Variants in KIF1B observed in about 807,000 individuals in gnomAD.
The protein encoded by KIF1B is kinesin family member 1B.
Under a neutral mutation model 241.9 loss-of-function variants are expected in KIF1B, and 76 were observed. The ratio of observed to expected loss-of-function variants is 0.31; its 90% CI spans 0.26 to 0.38. The LOEUF is 0.38. Among genes scored for constraint, KIF1B ranks in the 10% least tolerant of loss-of-function variants. The probability of loss-of-function intolerance (pLI) is 1.00; values close to 1 mark genes in which losing one functional copy is unlikely to be tolerated. For missense variants in KIF1B, 1,622 were observed against 2,271.4 expected (o/e 0.71, Z 5.81); for synonymous variants, 750 against 796.7 (o/e 0.94, Z 0.99).
rs1638912142 is a variant in KIF1B, at chr1:10,377,135, G to A, written c.*548G>A. 1 of 240,310 alleles carries A rather than the reference G, an allele frequency of 4.2e-6. No individual in the cohort carries two copies. Among genetic ancestry groups the A allele is most frequent in the Non-Finnish European group, 8.2e-6 (1 of 121,386 alleles). 14.9% of individuals were successfully genotyped at this position (240,310 alleles called of 1,614,324 possible). ...TTTAGAACCTGAGAGGAAAAAAAGA[G>A]TCTTTTTTTCCCCTCTGTCTCTTTT... On this transcript the variant is annotated 3_prime_UTR_variant, in exon 49 of 49. Coordinates refer to ENST00000676179, the MANE Select transcript of KIF1B (RefSeq NM_001365951.3).
intron 1 of KIF1B, chr1:10,211,796 A>G (rs1309562689): frequency 6.7e-6 from 1 of 149,882 alleles, no homozygotes; most frequent in African/African-American, 2.5e-5. Flanking sequence ...TTCTCTATTC[A>G]TCTTCTGCGT....
intron 22 of KIF1B, chr1:10,304,311 A>C: frequency 6.2e-7 from 1 of 1,614,230 alleles, no homozygotes. Context: ...ATAATCAGCA[A>C]CAGCCACCTC....
chr1:10,256,157 A>G (rs757890079), intron 2 of KIF1B, 90 bp from the exon 3 acceptor site: 9 of 835,748 alleles, frequency 1.1e-5, no homozygotes, highest in Admixed American at 1.8e-5. Context: ...GAATTTACTG[A>G]TTGGGATGTT....
rs1242044544 is a variant in KIF1B, at chr1:10,292,098, C to G, written c.1566C>G (p.Thr522=). 1 of 1,613,816 alleles carries G rather than the reference C, an allele frequency of 6.2e-7. No homozygotes were observed. The highest frequency in any genetic ancestry group is 8.5e-7 in the Non-Finnish European group (1 of 1,179,878). ...MGVAIREDGG[T]LGVFSPKKTP... Reference sequence around the variant, plus strand: ...TTGCCATTCGGGAAGATGGAGGAACCCTAGGGGTTTTCTCACCTAAAAAGG... The same window carrying G: ...TTGCCATTCGGGAAGATGGAGGAACGCTAGGGGTTTTCTCACCTAAAAAGG... Residue 522 remains threonine, a synonymous_variant, in exon 17 of 49, where the codon ACC becomes ACG. Coordinates refer to ENST00000676179, the MANE Select transcript of KIF1B (RefSeq NM_001365951.3).
At chr1:10,266,043 G>A (rs1648444966) in intron 5 of KIF1B, among the ~76,000 whole-genome samples, 1 of 152,174 alleles carries the variant, frequency 6.6e-6, no homozygotes, top group East Asian at 1.9e-4. Flanking sequence ...TCTGTTTCCT[G>A]GGTAGCATCG....
intron 22 of KIF1B, among the ~76,000 whole-genome samples, chr1:10,313,548 A>AT (rs33994083): frequency 0.12 from 14,065 of 121,420 alleles, 1,303 homozygotes; most frequent in African/African-American, 0.14. Context: ...ACTAGTTAGG[A>AT]TTTTTTTTTT....
In KIF1B at chr1:10,358,448, G is replaced by A. The variant is rs114113962; in HGVS notation, c.4056-2481G>A. The stretch of plus-strand genomic sequence containing the variant: ...AAATATCACCAAAGTCATAAATGCC[G>A]TCACTCTAAGAAGAGGGGTTTATTT... On this transcript the variant is annotated intron_variant, in intron 38 of 48. Transcript: ENST00000676179. Among the ~76,000 whole-genome samples, 1,510 of 152,224 alleles carry A rather than the reference G, an allele frequency of 9.9e-3. 20 individuals are homozygous for A. Among genetic ancestry groups the A allele is most frequent in the African/African-American group, 0.034 (1,411 of 41,522 alleles).
At chr1:10,330,212 A>G (rs960315907) in intron 27 of KIF1B, among the ~76,000 whole-genome samples, 10 of 152,194 alleles carry the variant, frequency 6.6e-5, no homozygotes, top group Non-Finnish European at 1.3e-4. Context: ...TTCAGAATAG[A>G]ATGTTTATAT....
intron 1 of KIF1B, among the ~76,000 whole-genome samples, chr1:10,219,593 T>C (rs1287455935): frequency 6.7e-6 from 1 of 149,582 alleles, no homozygotes; most frequent in African/African-American, 2.5e-5. Flanking sequence ...CCATCTCTAC[T>C]AAAAATACAA....
intron 38 of KIF1B, among the ~76,000 whole-genome samples, chr1:10,356,602 A>AAAAAAAAAAAG (rs1638256754): frequency 6.6e-6 from 1 of 151,576 alleles, no homozygotes; most frequent in Admixed American, 6.6e-5. Context: ...GATGCTTTAA[A>AAAAAAAAAAAG]AAAAGAAAAA....
chr1:10,355,219 A>G (rs1652933327), intron 38 of KIF1B, among the ~76,000 whole-genome samples: 1 of 152,188 alleles, frequency 6.6e-6, no homozygotes, highest in African/African-American at 2.4e-5. Context: ...ATTGTGTTCC[A>G]TGGGATTCTG....
chr1:10,258,664 A>G lies in KIF1B; in HGVS notation c.355A>G (p.Ile119Val). 1.9e-6 allele frequency: 3 copies of G among 1,614,156 alleles called. No homozygotes were observed. The highest frequency in any genetic ancestry group is 1.7e-6 in the Non-Finnish European group (2 of 1,180,008). ...GKQEESQAGI[I>V]PQLCEELFEK... ...ACAAGAAGAAAGCCAGGCTGGCATC[A>G]TTCCACAGGTGAAAAACAAAACAAA... Residue 119 changes from isoleucine (I) to valine (V), a missense_variant, in exon 4 of 49, where the codon ATT becomes GTT. Transcript: ENST00000676179.
intron 22 of KIF1B, chr1:10,305,579 G>A (rs956883316): frequency 1.9e-6 from 2 of 1,058,758 alleles, no homozygotes; most frequent in Non-Finnish European, 2.3e-6. Flanking sequence ...TTTTCCAATA[G>A]TTGATGAAAT....
chr1:10,256,186 A>G (rs977655292), intron 2 of KIF1B, 61 bp from the exon 3 acceptor site: 11 of 1,020,462 alleles, frequency 1.1e-5, no homozygotes, highest in Middle Eastern at 2.1e-4. Context: ...ACAGAATAAC[A>G]TGTTTAACTA....
intron 24 of KIF1B, 24 bp from the exon 25 acceptor site, chr1:10,323,860 C>G (rs780239015): frequency 1.6e-5 from 25 of 1,595,472 alleles, no homozygotes; most frequent in Non-Finnish European, 2.1e-5. Flanking sequence ...AACCATTTGT[C>G]AATGGTTTAT....
intron 15 of KIF1B, among the ~76,000 whole-genome samples, chr1:10,284,457 A>T (rs982192260): frequency 7.9e-5 from 12 of 152,090 alleles, no homozygotes; most frequent in African/African-American, 2.9e-4. Context: ...AGGCTGAGGC[A>T]GGCAGATCAC....
intron 40 of KIF1B, among the ~76,000 whole-genome samples, chr1:10,362,053 A>G (rs1239299254): frequency 6.6e-6 from 1 of 152,210 alleles, no homozygotes; most frequent in Non-Finnish European, 1.5e-5. Flanking sequence ...ACACGTCTAA[A>G]ACAATTTTGC....
chr1:10,330,784 C>T (rs531086204), intron 27 of KIF1B, among the ~76,000 whole-genome samples: 1 of 152,328 alleles, frequency 6.6e-6, no homozygotes, highest in East Asian at 1.9e-4. Context: ...CAAAACCAGA[C>T]ATGGTTCCTG....
rs1638558960 is a variant in KIF1B at position 10,365,934 on chromosome 1, C to T, written c.4752+286C>T. 6.6e-6 allele frequency among the ~76,000 whole-genome samples: 1 copy of T among 152,068 alleles called. No individual in the cohort carries two copies. The highest frequency in any genetic ancestry group is 2.4e-5 in the African/African-American group (1 of 41,394). On this transcript the variant is annotated intron_variant, in intron 43 of 48. Coordinates refer to ENST00000676179, the MANE Select transcript of KIF1B (RefSeq NM_001365951.3). The surrounding 1 kb of genome is among the most constrained non-coding windows in gnomAD (Gnocchi z 4.0). ...CTAACATAGTGAGACCTTGTCTCTACAAAAACAAAAATTAGGCCAGGCATG... is the reference window on the plus strand; with the variant it reads ...CTAACATAGTGAGACCTTGTCTCTATAAAAACAAAAATTAGGCCAGGCATG...
Sources: allele counts gnomAD v4.1 joint callset (sites outside exome capture counted in the v4.1 genomes callset), GRCh38; gene constraint gnomAD v4.1.1; non-coding constraint Gnocchi (gnomAD v3.1); transcripts MANE v1.5; gene names NCBI Gene and HGNC (gene_info 2026-07-23, HGNC 2026-07-21).